OLFM2: variants seen among roughly 807,000 people sequenced by gnomAD.
OLFM2 encodes the protein olfactomedin 2.
A neutral mutation model predicts 43.9 loss-of-function variants in OLFM2; 20 were observed. That is an observed-to-expected ratio of 0.46 (90% CI 0.32 to 0.66). The LOEUF (loss-of-function observed/expected upper bound fraction) is 0.66, where lower values mean the gene tolerates loss of function less well. OLFM2 is among the 30% of genes least tolerant of loss of function. The pLI is 0.04. For synonymous variants in OLFM2, 268 were observed against 278.6 expected, an observed-to-expected ratio of 0.96 and a Z score of 0.38; for missense variants, 416 against 643.6, an observed-to-expected ratio of 0.65 and a Z score of 3.83.
At chr19:9,914,237 C>A (rs1176325254) in intron 1 of OLFM2, among the ~76,000 whole-genome samples, 1 of 152,108 alleles carries the variant, frequency 6.6e-6, no homozygotes, top group African/African-American at 2.4e-5. Flanking sequence ...AAATCCCCAC[C>A]CACCCACTGT....
intron 1 of OLFM2, among the ~76,000 whole-genome samples, chr19:9,888,627 T>C (rs1007179387): frequency 7.2e-5 from 11 of 152,006 alleles, no homozygotes; most frequent in East Asian, 5.8e-4. Context: ...TTCCGCCACA[T>C]CATTTATGCA....
intron 1 of OLFM2, among the ~76,000 whole-genome samples, chr19:9,885,644 G>T (rs965283331): frequency 6.6e-6 from 1 of 152,168 alleles, no homozygotes; most frequent in Non-Finnish European, 1.5e-5. Flanking sequence ...GACTGATGCA[G>T]GGGTAAAAAG....
chr19:9,913,368 G>T, intron 1 of OLFM2: 1 of 531,642 alleles, frequency 1.9e-6, no homozygotes, highest in Non-Finnish European at 2.5e-6. Flanking sequence ...CAGGGTCGTG[G>T]GAAGCACAGG....
In OLFM2 at chr19:9,860,840, C is replaced by T. The variant is rs373236353; in HGVS notation, c.64-46G>A. On this transcript the variant is annotated intron_variant, in intron 1 of 5. Coordinates refer to ENST00000264833, the MANE Select transcript of OLFM2 (RefSeq NM_058164.4). Reference sequence around the variant, plus strand: ...GAGACCGGAATCCCAGTGAGGGTCTCGCCTCGCCCTCACTGGGACAGGAAG... The same window carrying T: ...GAGACCGGAATCCCAGTGAGGGTCTTGCCTCGCCCTCACTGGGACAGGAAG... The T allele has an allele frequency of 8.1e-5, 127 of 1,562,986 alleles. 1 individual carries two copies. Among genetic ancestry groups the T allele is most frequent in the South Asian group, 3.0e-4 (26 of 86,508 alleles).
At chr19:9,913,840 C>T (rs1418891720) in intron 1 of OLFM2, 7 of 245,162 alleles carry the variant, frequency 2.9e-5, no homozygotes, top group African/African-American at 4.7e-5. Flanking sequence ...AGCGCCGGCT[C>T]GGGCCCCCGC....
chr19:9,894,013 C>A (rs569284570), intron 1 of OLFM2, among the ~76,000 whole-genome samples: 2 of 152,002 alleles, frequency 1.3e-5, no homozygotes, highest in Non-Finnish European at 2.9e-5. Context: ...TTTTCTTGGT[C>A]GGGCATGGTG....
chr19:9,923,364 G>A (rs532088703), intron 1 of OLFM2, among the ~76,000 whole-genome samples: 9 of 151,958 alleles, frequency 5.9e-5, no homozygotes, highest in African/African-American at 2.2e-4. Flanking sequence ...ATACCAGCCT[G>A]GCCAACATGG....
chr19:9,931,739 A>C (rs958064646), intron 1 of OLFM2, among the ~76,000 whole-genome samples: 2 of 151,778 alleles, frequency 1.3e-5, no homozygotes, highest in Admixed American at 1.3e-4. Context: ...AAATAAAAAG[A>C]AAAAGTTATT....
At chr19:9,906,661 G>A (rs569203370) in intron 1 of OLFM2, among the ~76,000 whole-genome samples, 27 of 152,274 alleles carry the variant, frequency 1.8e-4, no homozygotes, top group Middle Eastern at 6.8e-3. Context: ...AATGCAGGAA[G>A]AGAGAGACGC....
At chr19:9,861,120 T>C (rs1277361487) in intron 1 of OLFM2, among the ~76,000 whole-genome samples, 3 of 112,696 alleles carry the variant, frequency 2.7e-5, no homozygotes, top group Non-Finnish European at 5.7e-5. Flanking sequence ...TCCACTCAAA[T>C]AACCCCCAAA....
chr19:9,914,096 TCCCCCTAGGCGGTGTTCCCGGACCG>T (rs1195782606), intron 1 of OLFM2, among the ~76,000 whole-genome samples: 2 of 74,994 alleles, frequency 2.7e-5, no homozygotes, highest in African/African-American at 1.0e-4. Context: ...CCGGCCCCCC[TCCCCCTAGGCGGTGTTCCCGGACCG>T]CCTCCCGCAC....
intron 1 of OLFM2, among the ~76,000 whole-genome samples, chr19:9,903,783 T>C (rs2046760269): frequency 6.6e-6 from 1 of 152,192 alleles, no homozygotes; most frequent in Non-Finnish European, 1.5e-5. Flanking sequence ...CAAATTTCCT[T>C]TCCTTCTCAC....
intron 1 of OLFM2, among the ~76,000 whole-genome samples, chr19:9,927,032 C>A (rs779838691): frequency 3.3e-5 from 5 of 151,090 alleles, no homozygotes; most frequent in Admixed American, 6.6e-5. Flanking sequence ...GCCTGTAATC[C>A]CAGCACTTTA....
chr19:9,923,130 T>C (rs1338574356), intron 1 of OLFM2, among the ~76,000 whole-genome samples: 1 of 152,116 alleles, frequency 6.6e-6, no homozygotes, highest in African/African-American at 2.4e-5. Flanking sequence ...AGCTTCATGA[T>C]TCGAAAATTC....
intron 1 of OLFM2, among the ~76,000 whole-genome samples, chr19:9,919,466 C>T (rs936811763): frequency 4.7e-5 from 7 of 149,964 alleles, no homozygotes; most frequent in African/African-American, 1.5e-4. Flanking sequence ...CTTGCCCGGC[C>T]GAGACCTCAT....
At chr19:9,887,483 CTCTT>C (rs1274285286) in intron 1 of OLFM2, among the ~76,000 whole-genome samples, 1 of 151,712 alleles carries the variant, frequency 6.6e-6, no homozygotes, top group East Asian at 1.9e-4. Flanking sequence ...CGCCCACCCT[CTCTT>C]TCTCTTATAC....
intron 1 of OLFM2, among the ~76,000 whole-genome samples, chr19:9,895,691 A>C (rs1287224807): frequency 6.6e-6 from 1 of 152,056 alleles, no homozygotes; most frequent in Non-Finnish European, 1.5e-5. Context: ...GCTGGAGTGC[A>C]GTGGTGCCAT....
At chr19:9,896,091 ATTTTTTT>A (rs71188854) in intron 1 of OLFM2, among the ~76,000 whole-genome samples, 3 of 95,784 alleles carry the variant, frequency 3.1e-5, no homozygotes, top group Non-Finnish European at 6.0e-5. Context: ...CTTTATTTTA[ATTTTTTT>A]TTTTTTTTTT....
At chr19:9,916,183 C>T (rs147879989) in intron 1 of OLFM2, among the ~76,000 whole-genome samples, 2,531 of 152,038 alleles carry the variant, frequency 0.017, 52 homozygotes, top group African/African-American at 0.048. Context: ...ATGGTAAAAC[C>T]CTGTCTCTAC....
Sources: gnomAD v4.1 joint callset for allele counts (sites outside exome capture counted in the v4.1 genomes callset) on GRCh38, gnomAD v4.1.1 for gene constraint, MANE v1.5 for transcripts, NCBI Gene and HGNC (gene_info 2026-07-23, HGNC 2026-07-21) for gene names.